TNRC6B: variants seen among roughly 807,000 people sequenced by gnomAD.
The protein encoded by TNRC6B is trinucleotide repeat containing adaptor 6B, also known as trinucleotide repeat-containing gene 6B protein.
In TNRC6B, 52 loss-of-function variants were observed where a neutral mutation model predicts 203.6. The observed-to-expected ratio is 0.26, with a 90% CI of 0.20 to 0.32. The LOEUF is 0.32. TNRC6B is among the 10% of genes least tolerant of loss of function. TNRC6B has a pLI of 1.00. For missense variants in TNRC6B, 1,923 were observed against 2,286.2 expected (o/e 0.84, Z 3.24); for synonymous variants, 838 against 845.7 (o/e 0.99, Z 0.16).
At chr22:40,158,045 T>C (rs1044831655) in intron 4 of TNRC6B, among the ~76,000 whole-genome samples, 3 of 152,052 alleles carry the variant, frequency 2.0e-5, no homozygotes, top group African/African-American at 7.2e-5. Context: ...GTCTCATGAA[T>C]AAGAGGGAGT....
At chr22:40,114,691 C>G (rs758187178) in intron 1 of TNRC6B, among the ~76,000 whole-genome samples, 2 of 152,114 alleles carry the variant, frequency 1.3e-5, no homozygotes, top group Non-Finnish European at 1.5e-5. Context: ...AACCCAAGAT[C>G]CACTGAACAT....
upstream of TNRC6B, among the ~76,000 whole-genome samples, chr22:40,176,918 A>G (rs552407658): frequency 3.9e-5 from 6 of 152,306 alleles, no homozygotes; most frequent in East Asian, 1.2e-3. Flanking sequence ...GGTGAAAGAA[A>G]CCAAAGATAC....
intron 1 of TNRC6B, among the ~76,000 whole-genome samples, chr22:40,107,340 T>A (rs2068294435): frequency 6.6e-6 from 1 of 152,210 alleles, no homozygotes; most frequent in Non-Finnish European, 1.5e-5. Context: ...CCTTTAAAAA[T>A]TTTTAAATAT....
intron 1 of TNRC6B, among the ~76,000 whole-genome samples, chr22:40,225,573 A>AT (rs2069771851): frequency 6.6e-6 from 1 of 152,056 alleles, no homozygotes; most frequent in South Asian, 2.1e-4. Context: ...TGCTAAAAAA[A>AT]TTTTTAAAAT....
intron 1 of TNRC6B, among the ~76,000 whole-genome samples, chr22:40,243,721 A>G (rs2070064362): frequency 6.6e-6 from 1 of 152,014 alleles, no homozygotes; most frequent in African/African-American, 2.4e-5. Context: ...AGTAGCTGGG[A>G]TTACAGGTGC....
rs1291777592 is a variant in TNRC6B, at chr22:40,325,135, A to G, written c.*1894A>G. ...GTGCCGACATTTTGTACCAGCAAAT[A>G]CCTGCCCATTCCAACCCTTGGTGGG... On this transcript the variant is annotated 3_prime_UTR_variant, in exon 23 of 23. Coordinates refer to ENST00000454349, the MANE Select transcript of TNRC6B (RefSeq NM_001162501.2). 1 of 152,640 alleles carries G rather than the reference A, an allele frequency of 6.6e-6. No individual in the cohort carries two copies. Among genetic ancestry groups the G allele is most frequent in the East Asian group, 1.9e-4 (1 of 5,198 alleles). 9.5% of individuals were successfully genotyped at this position (152,640 alleles called of 1,614,324 possible). A position where few individuals can be genotyped will look rare whatever the true frequency, so the allele number is the denominator to read the frequency against.
intron 12 of TNRC6B, among the ~76,000 whole-genome samples, chr22:40,286,108 A>G (rs2070776640): frequency 1.3e-5 from 2 of 152,216 alleles, no homozygotes; most frequent in African/African-American, 2.4e-5. Context: ...CATATAATTA[A>G]AACTGCTTTA....
At chr22:40,070,418 A>G (rs1351000373) in intron 1 of TNRC6B, among the ~76,000 whole-genome samples, 3 of 152,202 alleles carry the variant, frequency 2.0e-5, no homozygotes, top group African/African-American at 7.2e-5. Context: ...AAACATAAAA[A>G]GAAAGGGTGA....
In TNRC6B at chr22:40,224,928, G is replaced by A. The variant is rs143811352; in HGVS notation, c.6-21087G>A. 2.0e-4 allele frequency among the ~76,000 whole-genome samples: 31 copies of A among 152,316 alleles called. No individual in the cohort carries two copies. In the East Asian group the frequency reaches 5.8e-3, roughly 28 times the overall value. ...AGGTGCTTGATGTGGAGGAGGAGGT[G>A]GACCCTGCTGCCAGAAGCAGTAGCA... On this transcript the variant is annotated intron_variant, in intron 1 of 22. Transcript: ENST00000454349.
chr22:40,323,298 C>A lies in TNRC6B; in HGVS notation c.*57C>A. Reference sequence around the variant, plus strand: ...TTTTTTGGAACAGCAGCAGCACTAACTTGACCTTTTCGTTTTTTTTTTCAA... The same window carrying A: ...TTTTTTGGAACAGCAGCAGCACTAAATTGACCTTTTCGTTTTTTTTTTCAA... On this transcript the variant is annotated 3_prime_UTR_variant, in exon 23 of 23. Transcript: ENST00000454349. 1 of 1,517,306 alleles carries A rather than the reference C, an allele frequency of 6.6e-7. No individual in the cohort carries two copies. Among genetic ancestry groups the A allele is most frequent in the Non-Finnish European group, 8.8e-7 (1 of 1,138,824 alleles). The allele number at this position is 1,517,306 out of a possible 1,614,324, so 94.0% of individuals were successfully genotyped here. A position where few individuals can be genotyped will look rare whatever the true frequency, so the allele number is the denominator to read the frequency against.
chr22:40,301,024 T>G lies in TNRC6B; in HGVS notation c.3936+19T>G, dbSNP rs764919071. On this transcript the variant is annotated intron_variant, in intron 14 of 22. Transcript: ENST00000454349. Reference sequence around the variant, plus strand: ...GCAGCAGGTACGTGGGTAGGCAGGGTCCCTCCAGTGCTGTGTTGGAGGAGT... The same window carrying G: ...GCAGCAGGTACGTGGGTAGGCAGGGGCCCTCCAGTGCTGTGTTGGAGGAGT... 2.0e-5 allele frequency: 32 copies of G among 1,605,806 alleles called. No individual in the cohort carries two copies. The South Asian group carries it at 3.6e-4, about 18-fold the overall frequency.
intron 1 of TNRC6B, among the ~76,000 whole-genome samples, chr22:40,110,946 G>A (rs1249686661): frequency 6.6e-6 from 1 of 152,156 alleles, no homozygotes; most frequent in East Asian, 1.9e-4. Context: ...AACGTCCTTT[G>A]TGCTGGCACT....
chr22:40,095,752 A>G (rs1388241054), intron 1 of TNRC6B, among the ~76,000 whole-genome samples: 1 of 151,286 alleles, frequency 6.6e-6, no homozygotes, highest in Admixed American at 6.6e-5. Flanking sequence ...GTATTTCCTT[A>G]TACCTGTGCT....
chr22:40,207,619 T>C (rs1015863594), intron 1 of TNRC6B, among the ~76,000 whole-genome samples: 1 of 151,274 alleles, frequency 6.6e-6, no homozygotes, highest in African/African-American at 2.4e-5. Flanking sequence ...AATGCAGAAC[T>C]CCTACTAATC....
rs1030599077 is a variant in TNRC6B at position 40,178,077 on chromosome 22, T to C, written c.-59T>C. 6.9e-6 allele frequency: 11 copies of C among 1,597,810 alleles called. No individual in the cohort carries two copies. In the African/African-American group the frequency reaches 1.2e-4, roughly 18 times the overall value. On this transcript the variant is annotated 5_prime_UTR_variant, in exon 1 of 23. Transcript: ENST00000454349. ...AAGAATTCATTTTTTGGACCTTTTT[T>C]CATTTCCATTTCTACCTTGTATGCC...
chr22:40,097,410 G>T (rs932578895), intron 1 of TNRC6B, among the ~76,000 whole-genome samples: 2 of 151,972 alleles, frequency 1.3e-5, no homozygotes, highest in Admixed American at 6.6e-5. Flanking sequence ...GGCTCAAACA[G>T]TCCTCCTGCT....
At chr22:40,060,282 A>C (rs1291282934) in intron 1 of TNRC6B, among the ~76,000 whole-genome samples, 1 of 151,056 alleles carries the variant, frequency 6.6e-6, no homozygotes, top group Non-Finnish European at 1.5e-5. Flanking sequence ...GTGCAGTGGC[A>C]CGATCTCCAC....
chr22:40,287,390 G>A (rs2070801802), intron 12 of TNRC6B, among the ~76,000 whole-genome samples: 1 of 152,176 alleles, frequency 6.6e-6, no homozygotes. Context: ...TCAAATTCTA[G>A]TTTTAATGTT....
chr22:40,151,552 A>AAAG (rs1555885693), intron 3 of TNRC6B, among the ~76,000 whole-genome samples: 18 of 138,820 alleles, frequency 1.3e-4, no homozygotes, highest in South Asian at 2.2e-4. Flanking sequence ...AAAAAAAAAA[A>AAAG]GAAAAAAGAA....
Sources: gnomAD v4.1 joint callset for allele counts (sites outside exome capture counted in the v4.1 genomes callset) on GRCh38, gnomAD v4.1.1 for gene constraint, MANE v1.5 for transcripts, NCBI Gene and HGNC (gene_info 2026-07-23, HGNC 2026-07-21) for gene names.